Variants in FAM13C observed in about 807,000 individuals in gnomAD.
The protein encoded by FAM13C is protein FAM13C.
In FAM13C, 37 loss-of-function variants were observed where a neutral mutation model predicts 73.2. The observed-to-expected ratio is 0.51, with a 90% confidence interval of 0.39 to 0.67. FAM13C has a LOEUF of 0.67. Among genes scored for constraint, FAM13C ranks in the 30% least tolerant of loss-of-function variants. The pLI, the probability that FAM13C is intolerant of heterozygous loss-of-function variation, is 0.00. For synonymous variants in FAM13C, 246 were observed against 260.9 expected (o/e 0.94, Z 0.55); for missense variants, 589 against 715.6 (o/e 0.82, Z 2.02).
intron 10 of FAM13C, among the ~76,000 whole-genome samples, chr10:59,260,428 G>A (rs528600844): frequency 6.6e-6 from 1 of 152,230 alleles, no homozygotes; most frequent in East Asian, 1.9e-4. Context: ...AGAATTCAAA[G>A]TGCACAACAA....
At chr10:59,361,071 G>A (rs1294559019) in intron 1 of FAM13C, 1 of 1,289,266 alleles carries the variant, frequency 7.8e-7, no homozygotes, top group Non-Finnish European at 1.0e-6. Context: ...TCGGCCTGCA[G>A]ATGCACACTT....
intron 4 of FAM13C, among the ~76,000 whole-genome samples, chr10:59,303,524 C>T (rs1424494709): frequency 1.3e-5 from 2 of 152,184 alleles, no homozygotes; most frequent in Non-Finnish European, 2.9e-5. Flanking sequence ...CATTTGTCTG[C>T]TGAAGACAGC....
At chr10:59,317,968 G>A (rs1306753785) in intron 4 of FAM13C, among the ~76,000 whole-genome samples, 1 of 146,500 alleles carries the variant, frequency 6.8e-6, no homozygotes, top group South Asian at 2.2e-4. Flanking sequence ...CAGATTTAAA[G>A]CCCAATGCAT....
At position 59,352,072 on chromosome 10, in the gene FAM13C, C is replaced by T. The variant is rs114692620; in HGVS notation, c.324+198G>A. Among the ~76,000 whole-genome samples the T allele has an allele frequency of 3.4e-3, 524 of 152,046 alleles. 3 individuals carry two copies. Among genetic ancestry groups the T allele is most frequent in the African/African-American group, 0.012 (480 of 41,490 alleles). On this transcript the variant is annotated intron_variant, in intron 3 of 13. Coordinates refer to ENST00000618804, the MANE Select transcript of FAM13C (RefSeq NM_198215.4). ...TTTAAGAACACGTTTTAAGGGGCAC[C>T]AAATTATTAGCCGGCTCAGAGCACC... is the stretch of plus-strand genomic sequence containing the variant.
At chr10:59,247,807 C>T (rs1840858609) in intron 13 of FAM13C, 70 bp from the exon 14 acceptor site, 2 of 1,495,856 alleles carry the variant, frequency 1.3e-6, no homozygotes, top group Middle Eastern at 1.8e-4. Context: ...TTTTATAATT[C>T]ATACATGAGA....
chr10:59,264,173 A>C lies in FAM13C; in HGVS notation c.943-7T>G. 6.7e-7 allele frequency: 1 copy of C among 1,494,812 alleles called. No individual in the cohort carries two copies. Among genetic ancestry groups the C allele is most frequent in the Non-Finnish European group, 9.1e-7 (1 of 1,094,790 alleles). 92.6% of individuals were successfully genotyped at this position (1,494,812 alleles called of 1,614,324 possible). ...TCTTGTCACCATGTGAAGGCTACCA[A>C]GGGAAGGAAAAAATGGGGGTGGAAG... On this transcript the variant is annotated splice_polypyrimidine_tract_variant and splice_region_variant and intron_variant, in intron 8 of 13. Coordinates refer to ENST00000618804, the MANE Select transcript of FAM13C (RefSeq NM_198215.4).
Position 59,323,975 on chromosome 10 carries a change from A to G in FAM13C, c.443+13T>C. ...CACAAGCACAGAATAGCTTCTGATA[A>G]CAAAGGGCCCACCTTGGTTGAAGTC... On this transcript the variant is annotated intron_variant, in intron 4 of 13. Coordinates refer to ENST00000618804, the MANE Select transcript of FAM13C (RefSeq NM_198215.4). The G allele has an allele frequency of 1.2e-6, 2 of 1,608,592 alleles. No homozygotes were observed. The highest frequency in any genetic ancestry group is 2.2e-5 in the South Asian group (2 of 90,980).
intron 4 of FAM13C, among the ~76,000 whole-genome samples, chr10:59,308,472 TACC>T: frequency 7.0e-6 from 1 of 142,558 alleles, no homozygotes; most frequent in Non-Finnish European, 1.5e-5. Flanking sequence ...CCACCATCAC[TACC>T]ACCACTGCCA....
At position 59,324,101 on chromosome 10, in the gene FAM13C, T is replaced by C; in HGVS notation, c.330A>G (p.Thr110=). 6.2e-7 allele frequency: 1 copy of C among 1,611,938 alleles called. No individual in the cohort carries two copies. The highest frequency in any genetic ancestry group is 8.5e-7 in the Non-Finnish European group (1 of 1,178,478). The change falls in exon 4 of 14, where the codon ACA becomes ACG. Residue 110 remains threonine (T), a synonymous_variant. Coordinates refer to ENST00000618804, the MANE Select transcript of FAM13C (RefSeq NM_198215.4). ...CTGACTGGCTGGATACCACATGCTC[T>C]GTCTCCTGCAAGAAGAAAGAGCAAA... ...SGRSHGESQE[T]EHVVSSQSEC... is the part of the protein sequence containing the mutation.
chr10:59,288,258 G>A (rs574836253), intron 5 of FAM13C, among the ~76,000 whole-genome samples: 118 of 152,274 alleles, frequency 7.7e-4, no homozygotes, highest in Non-Finnish European at 1.6e-3. Context: ...TTGGGAGGCC[G>A]AGGTGGGTGG....
intron 4 of FAM13C, among the ~76,000 whole-genome samples, chr10:59,322,059 T>C (rs7101023): frequency 2.6e-5 from 4 of 152,164 alleles, no homozygotes; most frequent in South Asian, 4.1e-4. Context: ...TGGCATGATA[T>C]GTCCAAACCT....
chr10:59,362,014 A>G (rs1261200226), intron 1 of FAM13C, among the ~76,000 whole-genome samples: 1 of 152,180 alleles, frequency 6.6e-6, no homozygotes, highest in Admixed American at 6.5e-5. Context: ...CTCATTTCAC[A>G]TCTATCTTCT....
chr10:59,302,990 T>C (rs897478676), intron 4 of FAM13C, 126 bp from the exon 5 acceptor site: 11 of 733,418 alleles, frequency 1.5e-5, no homozygotes, highest in Middle Eastern at 2.4e-4. Context: ...CCACTGCCTG[T>C]AGAATAAAAT....
intron 10 of FAM13C, among the ~76,000 whole-genome samples, chr10:59,257,015 T>C (rs1842009237): frequency 6.6e-6 from 1 of 152,182 alleles, no homozygotes; most frequent in Non-Finnish European, 1.5e-5. Context: ...TCCTTTATGT[T>C]TTCGGTTACA....
intron 4 of FAM13C, among the ~76,000 whole-genome samples, chr10:59,316,574 A>G (rs1391881377): frequency 6.6e-6 from 1 of 152,134 alleles, no homozygotes; most frequent in Non-Finnish European, 1.5e-5. Flanking sequence ...AGAAACCTAG[A>G]TGGTATAGCC....
chr10:59,265,896 A>G (rs1490143057), intron 8 of FAM13C, among the ~76,000 whole-genome samples: 1 of 152,190 alleles, frequency 6.6e-6, no homozygotes. Context: ...TAACTTCTTA[A>G]GTGAAATATT....
At chr10:59,267,009 C>T (rs1026042985) in intron 8 of FAM13C, among the ~76,000 whole-genome samples, 3 of 152,150 alleles carry the variant, frequency 2.0e-5, no homozygotes, top group Non-Finnish European at 4.4e-5. Flanking sequence ...TAAGAAGTCG[C>T]TACCTAATAC....
chr10:59,250,637 A>G (rs979318767), intron 13 of FAM13C, among the ~76,000 whole-genome samples: 40 of 152,310 alleles, frequency 2.6e-4, no homozygotes, highest in African/African-American at 9.1e-4. Flanking sequence ...ACAACCCTCA[A>G]CCTGCTGAAC....
chr10:59,296,247 TGG>T (rs1337130871), intron 5 of FAM13C, among the ~76,000 whole-genome samples: 1 of 152,182 alleles, frequency 6.6e-6, no homozygotes, highest in African/African-American at 2.4e-5. Context: ...TGATAAACTG[TGG>T]ATGCAATAAA....
Sources: gnomAD v4.1 joint callset for allele counts (sites outside exome capture counted in the v4.1 genomes callset) on GRCh38, gnomAD v4.1.1 for gene constraint, MANE v1.5 for transcripts, NCBI Gene and HGNC (gene_info 2026-07-23, HGNC 2026-07-21) for gene names.